CTU1: variants seen among roughly 807,000 people sequenced by gnomAD.
CTU1 encodes the protein cytoplasmic tRNA 2-thiolation protein 1.
Under a neutral mutation model 12.9 loss-of-function variants are expected in CTU1, and 15 were observed. The ratio of observed to expected loss-of-function variants is 1.16; its 90% CI spans 0.78 to 1.79. The LOEUF (loss-of-function observed/expected upper bound fraction) is 1.79, where lower values mean the gene tolerates loss of function less well. Ranked by LOEUF, CTU1 falls within the 40% of genes most tolerant of loss-of-function variation. The pLI is 0.00. For missense variants in CTU1, 553 were observed against 550.5 expected, an observed-to-expected ratio of 1.00 and a Z score of -0.05; for synonymous variants, 295 against 275.6, an observed-to-expected ratio of 1.07 and a Z score of -0.70.
chr19:51,098,575 A>G lies in CTU1; in HGVS notation c.*26T>C. On this transcript the variant is annotated 3_prime_UTR_variant, in exon 3 of 3. Coordinates refer to ENST00000421832, the MANE Select transcript of CTU1 (RefSeq NM_145232.4). The surrounding 1 kb of genome is among the most constrained non-coding windows in gnomAD (Gnocchi z 4.3). ...CAGGCAGCCCCCACCCCGCGGCATC[A>G]GATCCCGGCGGGAGGCCCGAAGTCG... is the stretch of plus-strand genomic sequence containing the variant. The G allele has an allele frequency of 8.0e-7, 1 of 1,250,226 alleles. No individual in the cohort carries two copies. The highest frequency in any genetic ancestry group is 1.0e-6 in the Non-Finnish European group (1 of 994,272). 77.4% of individuals were successfully genotyped at this position (1,250,226 alleles called of 1,614,324 possible).
Position 51,098,541 on chromosome 19 carries a change from T to C in CTU1, c.*60A>G. 8 of 1,213,458 alleles carry C rather than the reference T, an allele frequency of 6.6e-6. No homozygotes were observed. The highest frequency in any genetic ancestry group is 8.3e-6 in the Non-Finnish European group (8 of 969,482). 75.2% of individuals were successfully genotyped at this position (1,213,458 alleles called of 1,614,324 possible). The stretch of plus-strand genomic sequence containing the variant: ...GGTAAGGTAACGGGTTTATTCACAG[T>C]GTCATTTACAGGCAGCCCCCACCCC... On this transcript the variant is annotated 3_prime_UTR_variant, in exon 3 of 3. Transcript: ENST00000421832. This position sits in a 1 kb window ranked among gnomAD's most constrained non-coding sequence, Gnocchi z 4.3.
intron 2 of CTU1, among the ~76,000 whole-genome samples, chr19:51,101,762 A>G (rs1427919624): frequency 1.3e-5 from 2 of 152,216 alleles, no homozygotes; most frequent in East Asian, 1.9e-4. Flanking sequence ...TGTAAACCAC[A>G]TTAATTAGGG....
intron 1 of CTU1, 71 bp from the exon 2 acceptor site, chr19:51,104,661 T>C (rs2091916029): frequency 2.7e-6 from 3 of 1,124,550 alleles, no homozygotes; most frequent in African/African-American, 1.6e-5. Flanking sequence ...ATCGGGGAGA[T>C]TGTCTGGATT....
chr19:51,102,475 T>C (rs1356986901), intron 2 of CTU1, among the ~76,000 whole-genome samples: 1 of 152,214 alleles, frequency 6.6e-6, no homozygotes, highest in Non-Finnish European at 1.5e-5. Flanking sequence ...CTACCTAGCA[T>C]GGTGGCACAT....
chr19:51,099,974 G>A (rs193077465), intron 2 of CTU1, among the ~76,000 whole-genome samples: 25 of 152,214 alleles, frequency 1.6e-4, no homozygotes, highest in Middle Eastern at 3.4e-3. Context: ...GGGAGAGATA[G>A]GGCCATGGAG....
Position 51,104,470 on chromosome 19 carries a change from A to G in CTU1, c.100T>C (p.Phe34Leu). Reference protein sequence around the residue: ...ALCGACFCAAFEAEVLHTVLA... With the variant: ...ALCGACFCAALEAEVLHTVLA... Reference sequence around the variant, plus strand: ...ACCGTGTGCAGCACCTCGGCCTCGAAGGCGGCGCAGAAGCAGGCACCGCAC... The same window carrying G: ...ACCGTGTGCAGCACCTCGGCCTCGAGGGCGGCGCAGAAGCAGGCACCGCAC... Residue 34 changes from phenylalanine (F) to leucine (L), a missense_variant, in exon 2 of 3, where the codon TTC becomes CTC. Coordinates refer to ENST00000421832, the MANE Select transcript of CTU1 (RefSeq NM_145232.4). 1 of 1,313,932 alleles carries G rather than the reference A, an allele frequency of 7.6e-7. No homozygotes were observed. Among genetic ancestry groups the G allele is most frequent in the Non-Finnish European group, 9.7e-7 (1 of 1,033,092 alleles). The allele number at this position is 1,313,932 out of a possible 1,614,324, so 81.4% of individuals were successfully genotyped here.
rs1464054300 is a variant in CTU1 at position 51,097,670 on chromosome 19, C to A, written c.*931G>T. 1.8e-5 allele frequency: 2 copies of A among 110,552 alleles called. No individual in the cohort carries two copies. The highest frequency in any genetic ancestry group is 8.2e-5 in the African/African-American group (2 of 24,306). 6.8% of individuals were successfully genotyped at this position (110,552 alleles called of 1,614,324 possible). A position where few individuals can be genotyped will look rare whatever the true frequency, so the allele number is the denominator to read the frequency against. On this transcript the variant is annotated 3_prime_UTR_variant, in exon 3 of 3. Coordinates refer to ENST00000421832, the MANE Select transcript of CTU1 (RefSeq NM_145232.4). ...GATCTTCCATTTCCTCCCAGTGGTGCCTTGATGCGGGGGGGATGGGGGGGC... is the reference window on the plus strand; with the variant it reads ...GATCTTCCATTTCCTCCCAGTGGTGACTTGATGCGGGGGGGATGGGGGGGC...
At chr19:51,103,621 A>AGGCCTT (rs2091912269) in intron 2 of CTU1, among the ~76,000 whole-genome samples, 1 of 150,848 alleles carries the variant, frequency 6.6e-6, no homozygotes, top group Non-Finnish European at 1.5e-5. Flanking sequence ...CAAAGAGGAG[A>AGGCCTT]GGCCAACCAA....
Position 51,104,198 on chromosome 19 carries a change from G to T in CTU1, c.372C>A (p.Gly124=). The T allele has an allele frequency of 6.6e-7, 1 of 1,522,650 alleles. No homozygotes were observed. The allele number at this position is 1,522,650 out of a possible 1,614,324, so 94.3% of individuals were successfully genotyped here. ...TGCGGGCCACGGCGTCCATCGTCCA[G>T]CCCCCAAAGAGGTCTTCGTAGGCCA... ...TVVAYEDLFG[G]WTMDAVARST... is the part of the protein sequence containing the mutation. Residue 124 remains glycine, a synonymous_variant, in exon 2 of 3, where the codon GGC becomes GGA. Coordinates refer to ENST00000421832, the MANE Select transcript of CTU1 (RefSeq NM_145232.4).
In CTU1 at chr19:51,098,455, C is replaced by T; in HGVS notation, c.*146G>A. On this transcript the variant is annotated 3_prime_UTR_variant, in exon 3 of 3. Coordinates refer to ENST00000421832, the MANE Select transcript of CTU1 (RefSeq NM_145232.4). This position sits in a 1 kb window ranked among gnomAD's most constrained non-coding sequence, Gnocchi z 4.3. ...GAGACCTCGAAGTCTGGGGTCCCAGCTTCTTCAGGGTTTCAGGTGAATGGG... is the reference window on the plus strand; with the variant it reads ...GAGACCTCGAAGTCTGGGGTCCCAGTTTCTTCAGGGTTTCAGGTGAATGGG... The T allele has an allele frequency of 1.3e-6, 1 of 791,910 alleles. No homozygotes were observed. The highest frequency in any genetic ancestry group is 1.7e-6 in the Non-Finnish European group (1 of 596,466). The allele number at this position is 791,910 out of a possible 1,614,324, so 49.1% of individuals were successfully genotyped here. A position where few individuals can be genotyped will look rare whatever the true frequency, so the allele number is the denominator to read the frequency against.
chr19:51,106,439 A>ACC (rs1221883412), intron 1 of CTU1, among the ~76,000 whole-genome samples: 1 of 151,890 alleles, frequency 6.6e-6, no homozygotes, highest in Non-Finnish European at 1.5e-5. Flanking sequence ...TCTTTTGGGG[A>ACC]CGCCTCTTCA....
chr19:51,099,212 C>T (rs2091901393), intron 2 of CTU1, 73 bp from the exon 3 acceptor site: 37 of 1,375,194 alleles, frequency 2.7e-5, no homozygotes, highest in Non-Finnish European at 3.4e-5. Flanking sequence ...CCCCGGGGAA[C>T]CAAGGGTCCA....
chr19:51,100,727 C>G (rs1468805467), intron 2 of CTU1, among the ~76,000 whole-genome samples: 2 of 152,192 alleles, frequency 1.3e-5, no homozygotes, highest in Non-Finnish European at 2.9e-5. Flanking sequence ...AGGCAGCACT[C>G]TTGACACTTT....
intron 1 of CTU1, among the ~76,000 whole-genome samples, chr19:51,107,887 T>G (rs1316758596): frequency 6.6e-6 from 1 of 152,176 alleles, no homozygotes; most frequent in Non-Finnish European, 1.5e-5. Context: ...TAGCTGTCAC[T>G]GGTGACAGGT....
rs2091898828 is a variant in CTU1, at chr19:51,098,837, C to T, written c.811G>A (p.Glu271Lys). 4 of 1,190,278 alleles carry T rather than the reference C, an allele frequency of 3.4e-6. No homozygotes were observed. The highest frequency in any genetic ancestry group is 2.3e-5 in the South Asian group (1 of 43,164). 73.7% of individuals were successfully genotyped at this position (1,190,278 alleles called of 1,614,324 possible). The change falls in exon 3 of 3, where the codon GAG becomes AAG. Residue 271 changes from glutamate (E) to lysine (K), a missense_variant. Physicochemically the swap from Glu to Lys is moderately conservative, Grantham distance 56 (BLOSUM62 1). This residue lies in a region of CTU1 where 500 missense variants were observed against 458.5 expected (regional missense o/e 1.09). Transcript: ENST00000421832. This position sits in a 1 kb window ranked among gnomAD's most constrained non-coding sequence, Gnocchi z 4.3. ...SAVLDLVHSAERLALAPAARP... is the reference protein window; with the variant it reads ...SAVLDLVHSAKRLALAPAARP... The stretch of plus-strand genomic sequence containing the variant: ...GCGGCCGGGGCCAGCGCCAGGCGCT[C>T]GGCCGAGTGCACGAGGTCCAGCACC...
chr19:51,100,774 A>G (rs1220456316), intron 2 of CTU1, among the ~76,000 whole-genome samples: 2 of 152,190 alleles, frequency 1.3e-5, no homozygotes, highest in South Asian at 2.1e-4. Context: ...ACTTCTATCT[A>G]CAGAACTACA....
chr19:51,101,600 G>A (rs1449350688), intron 2 of CTU1, among the ~76,000 whole-genome samples: 2 of 152,082 alleles, frequency 1.3e-5, no homozygotes, highest in African/African-American at 4.8e-5. Flanking sequence ...GAGAGGCCCT[G>A]GTCTATATGG....
Position 51,104,573 on chromosome 19 carries a change from G to A in CTU1, c.-4C>T, listed in dbSNP as rs1691301982. The A allele has an allele frequency of 8.0e-7, 1 of 1,249,064 alleles. No individual in the cohort carries two copies. The highest frequency in any genetic ancestry group is 1.0e-6 in the Non-Finnish European group (1 of 995,710). 77.4% of individuals were successfully genotyped at this position (1,249,064 alleles called of 1,614,324 possible). On this transcript the variant is annotated 5_prime_UTR_variant, in exon 2 of 3. Coordinates refer to ENST00000421832, the MANE Select transcript of CTU1 (RefSeq NM_145232.4). ...AGGCGCACGGCGGGGCGGGCATTGC[G>A]GGAGGGGTCGGCTTCTCCTAGACAG...
In CTU1 at chr19:51,098,540, G is replaced by C. The variant is rs1376413896; in HGVS notation, c.*61C>G. 215 of 1,213,270 alleles carry C rather than the reference G, an allele frequency of 1.8e-4. No homozygotes were observed. Among genetic ancestry groups the C allele is most frequent in the Non-Finnish European group, 2.2e-4 (209 of 969,440 alleles). The allele number at this position is 1,213,270 out of a possible 1,614,324, so 75.2% of individuals were successfully genotyped here. On this transcript the variant is annotated 3_prime_UTR_variant, in exon 3 of 3. Coordinates refer to ENST00000421832, the MANE Select transcript of CTU1 (RefSeq NM_145232.4). This position sits in a 1 kb window ranked among gnomAD's most constrained non-coding sequence, Gnocchi z 4.3. Reference sequence around the variant, plus strand: ...AGGTAAGGTAACGGGTTTATTCACAGTGTCATTTACAGGCAGCCCCCACCC... The same window carrying C: ...AGGTAAGGTAACGGGTTTATTCACACTGTCATTTACAGGCAGCCCCCACCC...
Sources: allele counts gnomAD v4.1 joint callset (sites outside exome capture counted in the v4.1 genomes callset), GRCh38; gene constraint gnomAD v4.1.1; regional missense constraint gnomAD v4.1.1; non-coding constraint Gnocchi (gnomAD v3.1); transcripts MANE v1.5; gene names NCBI Gene and HGNC (gene_info 2026-07-23, HGNC 2026-07-21).